The following CADM2 variants were observed in gnomAD, a reference collection of about 807,000 sequenced individuals.
The protein encoded by CADM2 is immunoglobulin superfamily member 4D.
CADM2 carries 12 observed loss-of-function variants against 49.8 expected under a neutral mutation model. The observed-to-expected ratio is 0.24, with a 90% CI of 0.15 to 0.39. The LOEUF (loss-of-function observed/expected upper bound fraction) is 0.39, where lower values mean the gene tolerates loss of function less well. Ranked by LOEUF, CADM2 falls within the 10% of genes least tolerant of loss-of-function variation. The pLI, the probability that CADM2 is intolerant of heterozygous loss-of-function variation, is 1.00. For missense variants in CADM2, 378 were observed against 492.3 expected (o/e 0.77, Z 2.20); for synonymous variants, 214 against 175.4 (o/e 1.22, Z -1.74).
At chr3:86,014,372 T>C in intron 8 of CADM2, 1 of 1,437,108 alleles carries the variant, frequency 7.0e-7, no homozygotes, top group South Asian at 1.6e-5. Flanking sequence ...TTGCAGCTGG[T>C]AGCTTGACTG....
chr3:85,800,477 C>A, intron 2 of CADM2: 1 of 156,112 alleles, frequency 6.4e-6, no homozygotes. Context: ...CTGCAGCTAG[C>A]TCAGTGTCTG....
intron 7 of CADM2, among the ~76,000 whole-genome samples, chr3:85,942,588 G>GTT (rs1453775410): frequency 6.7e-6 from 1 of 150,196 alleles, no homozygotes; most frequent in African/African-American, 2.4e-5. Flanking sequence ...TGCGGTGTAT[G>GTT]TTTTTTTGTT....
intron 3 of CADM2, among the ~76,000 whole-genome samples, chr3:85,820,256 A>G (rs2073469326): frequency 6.6e-6 from 1 of 152,150 alleles, no homozygotes; most frequent in African/African-American, 2.4e-5. Context: ...TCAGATTGAG[A>G]TGAGAAACGA....
At chr3:85,109,991 A>G (rs2107566554) in intron 1 of CADM2, among the ~76,000 whole-genome samples, 1 of 152,074 alleles carries the variant, frequency 6.6e-6, no homozygotes, top group Admixed American at 6.6e-5. Flanking sequence ...ATTTACCTAA[A>G]CATTGCAGTA....
intron 3 of CADM2, among the ~76,000 whole-genome samples, chr3:85,859,327 T>A (rs2075436959): frequency 7.0e-6 from 1 of 142,582 alleles, no homozygotes; most frequent in African/African-American, 2.7e-5. Flanking sequence ...GCCTCCCGGG[T>A]TCAAGCGATT....
At chr3:85,700,549 G>C (rs749038206) in intron 1 of CADM2, among the ~76,000 whole-genome samples, 3 of 152,050 alleles carry the variant, frequency 2.0e-5, no homozygotes, top group African/African-American at 7.2e-5. Flanking sequence ...ATGAGCATAA[G>C]GTATTAGAAG....
At chr3:85,572,652 C>A (rs1213045939) in intron 1 of CADM2, among the ~76,000 whole-genome samples, 1 of 152,072 alleles carries the variant, frequency 6.6e-6, no homozygotes, top group Non-Finnish European at 1.5e-5. Flanking sequence ...GGTCTGAGGC[C>A]AAAAGCCTGA....
At chr3:85,401,363 G>T (rs1274166041) in intron 1 of CADM2, among the ~76,000 whole-genome samples, 1 of 152,158 alleles carries the variant, frequency 6.6e-6, no homozygotes, top group East Asian at 1.9e-4. Flanking sequence ...TCAGTTTAAA[G>T]AAATAAAAGG....
chr3:85,869,794 G>A (rs1241215508), intron 3 of CADM2, among the ~76,000 whole-genome samples: 1 of 152,084 alleles, frequency 6.6e-6, no homozygotes, highest in Non-Finnish European at 1.5e-5. Context: ...AAGTAGCTGG[G>A]ACTACAGGTG....
intron 1 of CADM2, among the ~76,000 whole-genome samples, chr3:85,570,474 T>C (rs2062443147): frequency 6.6e-6 from 1 of 152,154 alleles, no homozygotes; most frequent in Admixed American, 6.5e-5. Flanking sequence ...ATTGTAGATA[T>C]ATATTTACTT....
chr3:85,816,125 C>T (rs1295761797), intron 3 of CADM2, among the ~76,000 whole-genome samples: 5 of 151,452 alleles, frequency 3.3e-5, no homozygotes, highest in Non-Finnish European at 5.9e-5. Flanking sequence ...TACCGTTTTT[C>T]CTGTTCTGTG....
chr3:86,014,338 A>G (rs899805646), intron 8 of CADM2: 82 of 1,391,578 alleles, frequency 5.9e-5, no homozygotes, highest in South Asian at 5.8e-4. Flanking sequence ...GAAAATCTCC[A>G]GGGGCAAACC....
At chr3:85,149,713 C>G (rs566241213) in intron 1 of CADM2, among the ~76,000 whole-genome samples, 1 of 152,114 alleles carries the variant, frequency 6.6e-6, no homozygotes, top group Non-Finnish European at 1.5e-5. Context: ...GGCAACAGAG[C>G]GAGACTCCGT....
chr3:86,051,858 C>A (rs1444850666), intron 8 of CADM2, among the ~76,000 whole-genome samples: 1 of 152,106 alleles, frequency 6.6e-6, no homozygotes, highest in African/African-American at 2.4e-5. Flanking sequence ...CAAGAGAAAC[C>A]GTTCCCACAA....
At chr3:85,776,803 T>C (rs975265746) in intron 2 of CADM2, among the ~76,000 whole-genome samples, 1 of 152,082 alleles carries the variant, frequency 6.6e-6, no homozygotes, top group African/African-American at 2.4e-5. Flanking sequence ...TTCCCAATCC[T>C]GGTGATTATA....
At chr3:85,858,370 T>C (rs1178003882) in intron 3 of CADM2, among the ~76,000 whole-genome samples, 1 of 152,242 alleles carries the variant, frequency 6.6e-6, no homozygotes, top group Non-Finnish European at 1.5e-5. Context: ...ACATCCATTA[T>C]CATTCAGACA....
rs115056199 is a variant in CADM2, at chr3:85,831,006, G to A, written c.238+28810G>A. 4.6e-3 allele frequency among the ~76,000 whole-genome samples: 698 copies of A among 151,688 alleles called. 3 individuals carry two copies. The highest frequency in any genetic ancestry group is 0.016 in the African/African-American group (661 of 41,426). On this transcript the variant is annotated intron_variant, in intron 3 of 9. Transcript: ENST00000383699. ...GCTCCCTGCAACCCTCCCACTTCTA[G>A]TGGTCCCCGTTGTCTCGTGTTCCCA...
chr3:85,012,063 C>T (rs1445306593), intron 1 of CADM2, among the ~76,000 whole-genome samples: 6 of 149,304 alleles, frequency 4.0e-5, no homozygotes, highest in Admixed American at 6.7e-5. Flanking sequence ...GATATAATGG[C>T]GAAGGGCCTG....
chr3:86,042,405 C>T (rs6767935), intron 8 of CADM2, among the ~76,000 whole-genome samples: 5,220 of 151,944 alleles, frequency 0.034, 175 homozygotes, highest in African/African-American at 0.083. Context: ...ATATCACTAC[C>T]GATCCCACAG....
Sources: gnomAD v4.1 joint callset for allele counts (sites outside exome capture counted in the v4.1 genomes callset) on GRCh38, gnomAD v4.1.1 for gene constraint, MANE v1.5 for transcripts, NCBI Gene and HGNC (gene_info 2026-07-23, HGNC 2026-07-21) for gene names.